The following RBM39 variants were observed in gnomAD, a reference collection of about 807,000 sequenced individuals.
RBM39 encodes RNA-binding protein 39.
Under a neutral mutation model 79.6 loss-of-function variants are expected in RBM39, and 12 were observed. That is an observed-to-expected ratio of 0.15 (90% CI 0.10 to 0.24). RBM39 has a LOEUF of 0.24. RBM39 is among the 10% of genes least tolerant of loss of function. RBM39 has a pLI of 1.00. For synonymous variants in RBM39, 185 were observed against 208.4 expected (o/e 0.89, Z 0.97); for missense variants, 243 against 653.4 (o/e 0.37, Z 6.85).
chr20:35,734,393 A>T (rs1394064201), intron 3 of RBM39: 1 of 323,540 alleles, frequency 3.1e-6, no homozygotes, highest in Non-Finnish European at 6.0e-6. Flanking sequence ...GTAACACTCC[A>T]ATTTTGTTGC....
chr20:35,728,892 A>T (rs2039054486), intron 6 of RBM39, among the ~76,000 whole-genome samples: 1 of 151,976 alleles, frequency 6.6e-6, no homozygotes, highest in African/African-American at 2.4e-5. Flanking sequence ...AGGCTAGCCA[A>T]CATGGTGAAA....
At chr20:35,711,043 G>A (rs2036335104) in intron 12 of RBM39, among the ~76,000 whole-genome samples, 1 of 152,154 alleles carries the variant, frequency 6.6e-6, no homozygotes, top group Non-Finnish European at 1.5e-5. Flanking sequence ...AAGGCTAACG[G>A]TAGAACTGAT....
chr20:35,739,395 T>C (rs1362666195), intron 2 of RBM39: 5 of 472,402 alleles, frequency 1.1e-5, no homozygotes, highest in Non-Finnish European at 2.2e-5. Flanking sequence ...GTCAGTACCA[T>C]GGCTCTATTT....
chr20:35,708,799 T>C (rs1275963656), intron 13 of RBM39: 1 of 169,076 alleles, frequency 5.9e-6, no homozygotes, highest in Non-Finnish European at 1.3e-5. Flanking sequence ...TACTATGTCT[T>C]AAGCAAAAAA....
At chr20:35,736,658 TTA>T (rs1214582197) in intron 3 of RBM39, 5 of 457,510 alleles carry the variant, frequency 1.1e-5, no homozygotes, top group South Asian at 6.3e-5. Context: ...TGACAGATTT[TTA>T]TGTTTGTTTG....
intron 12 of RBM39, among the ~76,000 whole-genome samples, chr20:35,711,730 G>A (rs1293881634): frequency 6.6e-6 from 1 of 152,164 alleles, no homozygotes; most frequent in Non-Finnish European, 1.5e-5. Flanking sequence ...TGAATATTGA[G>A]CTTTCAATTT....
chr20:35,736,854 T>C (rs1305650255), intron 3 of RBM39, among the ~76,000 whole-genome samples: 2 of 150,606 alleles, frequency 1.3e-5, no homozygotes, highest in Non-Finnish European at 3.0e-5. Context: ...GGTTTCACCA[T>C]GTTGGCCAGG....
At chr20:35,710,823 TAAAAC>T (rs2036306256) in intron 12 of RBM39, among the ~76,000 whole-genome samples, 1 of 152,132 alleles carries the variant, frequency 6.6e-6, no homozygotes, top group Non-Finnish European at 1.5e-5. Context: ...GCAAGGCTAA[TAAAAC>T]AGAATGATCT....
chr20:35,725,933 G>A (rs995645769), intron 6 of RBM39, among the ~76,000 whole-genome samples: 2 of 151,926 alleles, frequency 1.3e-5, no homozygotes, highest in African/African-American at 4.8e-5. Context: ...CAAAGTGCTG[G>A]GATTACAGGC....
At chr20:35,728,274 AAAGTT>A (rs1363003818) in intron 6 of RBM39, among the ~76,000 whole-genome samples, 4 of 152,202 alleles carry the variant, frequency 2.6e-5, no homozygotes, top group East Asian at 1.9e-4. Context: ...TATTAATTCC[AAAGTT>A]AAGTGTAAAG....
At chr20:35,723,689 C>G (rs966871538) in intron 8 of RBM39, among the ~76,000 whole-genome samples, 8 of 152,156 alleles carry the variant, frequency 5.3e-5, no homozygotes, top group Non-Finnish European at 1.5e-5. Flanking sequence ...CCGCCCGCCT[C>G]AACCTCCCAA....
intron 1 of RBM39, chr20:35,741,562 G>A (rs2040536798): frequency 6.6e-6 from 1 of 152,182 alleles, no homozygotes; most frequent in South Asian, 2.0e-4. Flanking sequence ...ACAGAAACTG[G>A]GAGACCCGAA....
Position 35,702,823 on chromosome 20 carries a change from G to A in RBM39, c.*1658C>T, listed in dbSNP as rs1479050366. On this transcript the variant is annotated 3_prime_UTR_variant, in exon 17 of 17. Transcript: ENST00000253363. ...CTGTCCCAGCTCTTCAGGAGACTGAGGTGGGAGAATTGCTTGAACCTGGGA... is the reference window on the plus strand; with the variant it reads ...CTGTCCCAGCTCTTCAGGAGACTGAAGTGGGAGAATTGCTTGAACCTGGGA... 2 of 152,212 alleles carry A rather than the reference G, an allele frequency of 1.3e-5. No homozygotes were observed. Among genetic ancestry groups the A allele is most frequent in the Non-Finnish European group, 2.9e-5 (2 of 68,078 alleles). The allele number at this position is 152,212 out of a possible 1,614,324, so 9.4% of individuals were successfully genotyped here. A position where few individuals can be genotyped will look rare whatever the true frequency, so the allele number is the denominator to read the frequency against.
chr20:35,732,142 A>C lies in RBM39; in HGVS notation c.102-7T>G, dbSNP rs758796607. ...GCTCTTGCTTTTTTTCCTCCTGAGA[A>C]GAAAAAAACTCGCCATTATCATGCT... On this transcript the variant is annotated splice_region_variant and splice_polypyrimidine_tract_variant and intron_variant, in intron 3 of 16. Coordinates refer to ENST00000253363, the MANE Select transcript of RBM39 (RefSeq NM_184234.3). 14 of 1,613,624 alleles carry C rather than the reference A, an allele frequency of 8.7e-6. No homozygotes were observed. Among genetic ancestry groups the C allele is most frequent in the Non-Finnish European group, 1.2e-5 (14 of 1,179,912 alleles).
intron 3 of RBM39, among the ~76,000 whole-genome samples, chr20:35,738,521 C>G (rs2040215708): frequency 6.6e-6 from 1 of 152,210 alleles, no homozygotes; most frequent in Non-Finnish European, 1.5e-5. Flanking sequence ...GGCCTCTGAG[C>G]AGCAAGTTGC....
At chr20:35,718,238 A>G (rs2146570206) in intron 9 of RBM39, among the ~76,000 whole-genome samples, 1 of 152,174 alleles carries the variant, frequency 6.6e-6, no homozygotes, top group South Asian at 2.1e-4. Context: ...AGTATTTGCT[A>G]AGCCACAGAA....
chr20:35,714,541 T>A, intron 10 of RBM39, 152 bp from the exon 11 acceptor site: 1 of 1,163,178 alleles, frequency 8.6e-7, no homozygotes, highest in Non-Finnish European at 1.1e-6. Flanking sequence ...AAACACAACA[T>A]ACATGATGAC....
At chr20:35,712,834 C>T (rs2036610854) in intron 12 of RBM39, among the ~76,000 whole-genome samples, 185 bp downstream of exon 12, 1 of 152,114 alleles carries the variant, frequency 6.6e-6, no homozygotes, top group South Asian at 2.1e-4. Flanking sequence ...GTCCTGACAA[C>T]TCATTTTGAT....
rs1491419789 is a variant in RBM39 at position 35,742,006 on chromosome 20, T to TGCTGCC, written c.-85_-80dup. The TGCTGCC allele has an allele frequency of 3.2e-4, 77 of 240,032 alleles. 1 individual carries two copies. The highest frequency in any genetic ancestry group is 5.9e-4 in the Non-Finnish European group (73 of 123,460). 14.9% of individuals were successfully genotyped at this position (240,032 alleles called of 1,614,324 possible). Reference sequence around the variant, plus strand: ...AAGAGATTGCTGCTGCTGCTGCTGCTGCTGCCGCCGCCGCCGCTTCTGTTG... The same window carrying TGCTGCC: ...AAGAGATTGCTGCTGCTGCTGCTGCTGCTGCCGCTGCCGCCGCCGCCGCTTCTGTTG... On this transcript the variant is annotated 5_prime_UTR_variant, in exon 1 of 17. Coordinates refer to ENST00000253363, the MANE Select transcript of RBM39 (RefSeq NM_184234.3).
Sources: gnomAD v4.1 joint callset for allele counts (sites outside exome capture counted in the v4.1 genomes callset) on GRCh38, gnomAD v4.1.1 for gene constraint, MANE v1.5 for transcripts, NCBI Gene and HGNC (gene_info 2026-07-23, HGNC 2026-07-21) for gene names.